The following CACNA1G variants were observed in gnomAD, a reference collection of about 807,000 sequenced individuals.
The protein encoded by CACNA1G is calcium voltage-gated channel subunit alpha1 G.
In CACNA1G, 67 loss-of-function variants were observed where a neutral mutation model predicts 219.4. The ratio of observed to expected loss-of-function variants is 0.31; its 90% CI spans 0.25 to 0.37. The LOEUF (loss-of-function observed/expected upper bound fraction) is 0.37, where lower values mean the gene tolerates loss of function less well. Ranked by LOEUF, CACNA1G falls within the 10% of genes least tolerant of loss-of-function variation. CACNA1G has a pLI of 1.00. For synonymous variants in CACNA1G, 1,296 were observed against 1,345.3 expected, an observed-to-expected ratio of 0.96 and a Z score of 0.80; for missense variants, 2,380 against 3,231.4, an observed-to-expected ratio of 0.74 and a Z score of 6.39.
chr17:50,596,496 G>A lies in CACNA1G; in HGVS notation c.2980-66G>A, dbSNP rs1020785352. ...GGTGTGCGTGTGTGAAGAGAGGGAGGCCCGGTCCATCCCAACCACCCAAGC... is the reference window on the plus strand; with the variant it reads ...GGTGTGCGTGTGTGAAGAGAGGGAGACCCGGTCCATCCCAACCACCCAAGC... On this transcript the variant is annotated intron_variant, in intron 14 of 37. Coordinates refer to ENST00000359106, the MANE Select transcript of CACNA1G (RefSeq NM_018896.5). This position sits in a 1 kb window ranked among gnomAD's most constrained non-coding sequence, Gnocchi z 4.8. The A allele has an allele frequency of 6.9e-6, 9 of 1,299,008 alleles. No individual in the cohort carries two copies. In the African/African-American group the frequency reaches 8.7e-5, roughly 13 times the overall value. The allele number at this position is 1,299,008 out of a possible 1,614,324, so 80.5% of individuals were successfully genotyped here.
At chr17:50,605,876 G>C in intron 22 of CACNA1G, 22 bp from the exon 23 acceptor site, 2 of 1,612,822 alleles carry the variant, frequency 1.2e-6, no homozygotes, top group Non-Finnish European at 1.7e-6. Flanking sequence ...ACTTTTCTCT[G>C]TCTCTGGGAA....
intron 1 of CACNA1G, among the ~76,000 whole-genome samples, chr17:50,564,510 G>A (rs1476136398): frequency 7.2e-6 from 1 of 139,244 alleles, no homozygotes; most frequent in African/African-American, 2.6e-5. Flanking sequence ...AGGAGTCGGG[G>A]GAGGAGAGGG....
chr17:50,606,242 TGAA>T, intron 23 of CACNA1G: 2 of 738,432 alleles, frequency 2.7e-6, no homozygotes, highest in Non-Finnish European at 5.0e-6. Context: ...TCCTTAAAGA[TGAA>T]GAAACAGAGG....
At position 50,604,286 on chromosome 17, in the gene CACNA1G, G is replaced by A. The variant is rs765467921; in HGVS notation, c.4296+5G>A. 1.9e-6 allele frequency: 3 copies of A among 1,613,292 alleles called. No homozygotes were observed. In the South Asian group the frequency reaches 3.3e-5, roughly 18 times the overall value. ...TTCGGCATCTTGGGGGTGCAGGTGT[G>A]TGGGGTTCTGGGGGCCAGCTGTGGG... is the stretch of plus-strand genomic sequence containing the variant. On this transcript the variant is annotated splice_donor_5th_base_variant and intron_variant, in intron 22 of 37. Coordinates refer to ENST00000359106, the MANE Select transcript of CACNA1G (RefSeq NM_018896.5).
intron 25 of CACNA1G, among the ~76,000 whole-genome samples, chr17:50,608,711 C>T (rs184297928): frequency 5.3e-5 from 8 of 152,166 alleles, no homozygotes; most frequent in Non-Finnish European, 8.8e-5. Flanking sequence ...AGCCCCCATC[C>T]GTCCGTCCTC....
At chr17:50,625,954 C>A in intron 37 of CACNA1G, 63 bp from the exon 38 acceptor site, 1 of 1,523,950 alleles carries the variant, frequency 6.6e-7, no homozygotes, top group Non-Finnish European at 8.9e-7. Flanking sequence ...GCCAGCTTGA[C>A]AGGAGGGCTA....
Position 50,576,279 on chromosome 17 carries a change from C to A in CACNA1G, c.1877C>A (p.Pro626His). 6.3e-7 allele frequency: 1 copy of A among 1,584,710 alleles called. No individual in the cohort carries two copies. ...PPTLTSLNIP[P>H]GPYSSMHKLL... ...ACCCTCACCAGCCTCAACATCCCAC[C>A]CGGGCCCTACAGCTCCATGCACAAG... The change falls in exon 8 of 38, where the codon CCC becomes CAC. Residue 626 changes from proline to histidine, a missense_variant. This residue lies in a region of CACNA1G where 434 missense variants were observed against 417.3 expected (regional missense o/e 1.04). Coordinates refer to ENST00000359106, the MANE Select transcript of CACNA1G (RefSeq NM_018896.5).
At chr17:50,609,368 G>C (rs1054042716) in intron 25 of CACNA1G, among the ~76,000 whole-genome samples, 1 of 152,166 alleles carries the variant, frequency 6.6e-6, no homozygotes, top group Admixed American at 6.5e-5. Context: ...GCACCCCCAA[G>C]GCCTTCTGCT....
In CACNA1G at chr17:50,600,677, G is replaced by C. The variant is rs1304019151; in HGVS notation, c.3691-49G>C. ...GACTCTGCTGAGGAGCCAGGAGCCGGGGAACCTGGAGGCCTGGTCCTGCTC... is the reference window on the plus strand; with the variant it reads ...GACTCTGCTGAGGAGCCAGGAGCCGCGGAACCTGGAGGCCTGGTCCTGCTC... On this transcript the variant is annotated intron_variant, in intron 17 of 37. Coordinates refer to ENST00000359106, the MANE Select transcript of CACNA1G (RefSeq NM_018896.5). The surrounding 1 kb of genome is among the most constrained non-coding windows in gnomAD (Gnocchi z 4.1). 2.0e-6 allele frequency: 3 copies of C among 1,522,296 alleles called. No individual in the cohort carries two copies. The highest frequency in any genetic ancestry group is 9.1e-7 in the Non-Finnish European group (1 of 1,097,372). The allele number at this position is 1,522,296 out of a possible 1,614,324, so 94.3% of individuals were successfully genotyped here.
rs773853745 is a variant in CACNA1G at position 50,568,870 on chromosome 17, C to G, written c.243C>G (p.Pro81=). ...RSWCLRTVCN[P]WFERISMLVI... ...CAGCTGTTTCCTTGACTGCCAGTAC[C>G]TGGTTTGAGCGCATCAGCATGTTGG... Residue 81 remains proline (P), a splice_region_variant and synonymous_variant, in exon 2 of 38, where the codon CCC becomes CCG. Transcript: ENST00000359106. The G allele has an allele frequency of 1.2e-6, 2 of 1,613,324 alleles. No homozygotes were observed. Among genetic ancestry groups the G allele is most frequent in the South Asian group, 2.2e-5 (2 of 91,070 alleles).
chr17:50,564,586 G>A (rs1030355100), intron 1 of CACNA1G, among the ~76,000 whole-genome samples: 8 of 151,866 alleles, frequency 5.3e-5, no homozygotes, highest in East Asian at 3.9e-4. Flanking sequence ...GTGACTGTGC[G>A]TCACTCTGTG....
chr17:50,572,416 C>G lies in CACNA1G; in HGVS notation c.747-138C>G, dbSNP rs916979. 334,302 of 705,482 alleles carry G rather than the reference C, an allele frequency of 0.47. 86,749 individuals carry two copies. Among genetic ancestry groups the G allele is most frequent in the East Asian group, 0.93 (33,940 of 36,590 alleles). The allele number at this position is 705,482 out of a possible 1,614,324, so 43.7% of individuals were successfully genotyped here. ...TGGTGCCCACAAATCCCTGCCCTGC[C>G]CAGTCCCTTCCCCATTCTTGGTTCT... is the stretch of plus-strand genomic sequence containing the variant. On this transcript the variant is annotated intron_variant, in intron 5 of 37. Transcript: ENST00000359106.
chr17:50,609,926 G>T lies in CACNA1G; in HGVS notation c.4750G>T (p.Ala1584Ser), dbSNP rs771816379. The T allele has an allele frequency of 3.0e-5, 48 of 1,610,528 alleles. No homozygotes were observed. Among genetic ancestry groups the T allele is most frequent in the Non-Finnish European group, 4.1e-5 (48 of 1,179,706 alleles). ...AATTGCTTCCGGCAGCTCAGCCAGC[G>T]CTGCGTCAGGTACTGCGTCTGGGGT... ...DVIASGSSAS[A>S]ASEAQCKPYY... Residue 1584 changes from alanine to serine, a missense_variant, in exon 26 of 38, where the codon GCT becomes TCT. By Grantham distance (99) the Ala-to-Ser change is moderately conservative. Coordinates refer to ENST00000359106, the MANE Select transcript of CACNA1G (RefSeq NM_018896.5).
rs1296027458 is a variant in CACNA1G, at chr17:50,561,174, G to C, written c.-286G>C. 7.1e-6 allele frequency: 4 copies of C among 566,244 alleles called. No homozygotes were observed. Among genetic ancestry groups the C allele is most frequent in the African/African-American group, 2.0e-5 (1 of 50,514 alleles). The allele number at this position is 566,244 out of a possible 1,614,324, so 35.1% of individuals were successfully genotyped here. ...GCCTGGGCGCGAAGCGAAGAAGCCGGAACAAAGTGAGGGGGAGCCGGCCGG... is the reference window on the plus strand; with the variant it reads ...GCCTGGGCGCGAAGCGAAGAAGCCGCAACAAAGTGAGGGGGAGCCGGCCGG... On this transcript the variant is annotated 5_prime_UTR_variant, in exon 1 of 38. Coordinates refer to ENST00000359106, the MANE Select transcript of CACNA1G (RefSeq NM_018896.5).
intron 9 of CACNA1G, among the ~76,000 whole-genome samples, chr17:50,585,342 T>C (rs929057254): frequency 6.6e-6 from 1 of 152,074 alleles, no homozygotes; most frequent in African/African-American, 2.4e-5. Flanking sequence ...GCAGGGGCCT[T>C]GGGTCAGCTG....
chr17:50,619,378 C>T (rs2051232052), intron 33 of CACNA1G, among the ~76,000 whole-genome samples: 1 of 152,040 alleles, frequency 6.6e-6, no homozygotes, highest in Non-Finnish European at 1.5e-5. Flanking sequence ...GATTCTCTTC[C>T]ATCTCTCCAT....
At chr17:50,583,955 T>C (rs1391433135) in intron 9 of CACNA1G, among the ~76,000 whole-genome samples, 1 of 151,814 alleles carries the variant, frequency 6.6e-6, no homozygotes, top group African/African-American at 2.4e-5. Context: ...GGGTTGTGGG[T>C]AGGACGCAAT....
In CACNA1G at chr17:50,571,959, T is replaced by C; in HGVS notation, c.668T>C (p.Phe223Ser). Residue 223 changes from phenylalanine (F) to serine (S), a missense_variant, in exon 5 of 38, where the codon TTC becomes TCC. By Grantham distance (155) the Phe-to-Ser change is radical. Transcript: ENST00000359106. The surrounding 1 kb of genome is among the most constrained non-coding windows in gnomAD (Gnocchi z 4.3). ...CTGCTGCTCTGCTTCTTCGTCTTCTTCATCTTCGGCATCGTCGGCGTCCAG... is the reference window on the plus strand; with the variant it reads ...CTGCTGCTCTGCTTCTTCGTCTTCTCCATCTTCGGCATCGTCGGCGTCCAG... ...NVLLLCFFVF[F>S]IFGIVGVQLW... is the part of the protein sequence containing the mutation. 1 of 1,613,958 alleles carries C rather than the reference T, an allele frequency of 6.2e-7. No homozygotes were observed. Among genetic ancestry groups the C allele is most frequent in the Non-Finnish European group, 8.5e-7 (1 of 1,179,838 alleles).
In CACNA1G at chr17:50,608,025, G is replaced by C. The variant is rs779354165; in HGVS notation, c.4705+6G>C. 26 of 1,600,492 alleles carry C rather than the reference G, an allele frequency of 1.6e-5. No individual in the cohort carries two copies. Among genetic ancestry groups the C allele is most frequent in the Non-Finnish European group, 2.1e-5 (25 of 1,173,380 alleles). ...ACTGGAGAAAAAGAGAAGGAGTAAG[G>C]AGAAGCAGATGGCTGGTCGGTAGTC... On this transcript the variant is annotated splice_donor_region_variant and intron_variant, in intron 25 of 37. Transcript: ENST00000359106.
Sources: gnomAD v4.1 joint callset for allele counts (sites outside exome capture counted in the v4.1 genomes callset) on GRCh38, gnomAD v4.1.1 for gene constraint, gnomAD v4.1.1 regional missense constraint, Gnocchi (gnomAD v3.1) non-coding constraint, MANE v1.5 for transcripts, NCBI Gene and HGNC (gene_info 2026-07-23, HGNC 2026-07-21) for gene names.